The following CCDC149 variants were observed in gnomAD, a reference collection of about 807,000 sequenced individuals.
The protein encoded by CCDC149 is coiled-coil domain-containing protein 149.
Under a neutral mutation model 59.9 loss-of-function variants are expected in CCDC149, and 45 were observed. That is an observed-to-expected ratio of 0.75 (90% CI 0.59 to 0.96). The LOEUF is 0.96. Ranked by LOEUF, CCDC149 falls within the 40% of genes least tolerant of loss-of-function variation. The probability of loss-of-function intolerance (pLI) is 0.00; values close to 1 mark genes in which losing one functional copy is unlikely to be tolerated. For synonymous variants in CCDC149, 245 were observed against 260.6 expected (o/e 0.94, Z 0.58); for missense variants, 584 against 664.7 (o/e 0.88, Z 1.33).
chr4:24,934,057 A>G (rs1239077414), intron 1 of CCDC149, among the ~76,000 whole-genome samples: 4 of 152,190 alleles, frequency 2.6e-5, no homozygotes, highest in African/African-American at 9.7e-5. Flanking sequence ...TCTTCTTTGC[A>G]GCATGACAGC....
At chr4:24,884,893 G>A (rs1720065313) in intron 1 of CCDC149, among the ~76,000 whole-genome samples, 1 of 152,194 alleles carries the variant, frequency 6.6e-6, no homozygotes, top group Non-Finnish European at 1.5e-5. Context: ...AGGAGTTGGA[G>A]GACAATGTGG....
chr4:24,966,613 G>C (rs530248653), intron 1 of CCDC149, among the ~76,000 whole-genome samples: 2 of 152,212 alleles, frequency 1.3e-5, no homozygotes, highest in East Asian at 3.9e-4. Flanking sequence ...GATGTGGATA[G>C]ATTTGATTTT....
chr4:24,835,603 C>A (rs962396258), intron 7 of CCDC149, among the ~76,000 whole-genome samples: 2 of 152,168 alleles, frequency 1.3e-5, no homozygotes, highest in African/African-American at 4.8e-5. Flanking sequence ...TGCATCCACA[C>A]ATTTTTAAAA....
chr4:24,815,428 A>G (rs1211122010), intron 12 of CCDC149, among the ~76,000 whole-genome samples: 2 of 152,194 alleles, frequency 1.3e-5, no homozygotes, highest in East Asian at 3.9e-4. Context: ...GGTTTCCAGC[A>G]TGGTGGGGAG....
At chr4:24,915,939 A>C (rs80139640), upstream of CCDC149, among the ~76,000 whole-genome samples, 1 of 152,272 alleles carries the variant, frequency 6.6e-6, no homozygotes, top group African/African-American at 2.4e-5. Flanking sequence ...CCAGACTGAC[A>C]AAAAAGAGAG....
intron 1 of CCDC149, among the ~76,000 whole-genome samples, chr4:24,911,797 C>T (rs1297429593): frequency 6.6e-6 from 1 of 152,124 alleles, no homozygotes; most frequent in Non-Finnish European, 1.5e-5. Flanking sequence ...ACCCAGAAAA[C>T]GATGAAAGGA....
intron 3 of CCDC149, among the ~76,000 whole-genome samples, chr4:24,873,307 T>C (rs149342665): frequency 1.3e-5 from 2 of 152,190 alleles, no homozygotes; most frequent in East Asian, 3.9e-4. Flanking sequence ...CACTAAACAG[T>C]ATATATCCAC....
intron 1 of CCDC149, among the ~76,000 whole-genome samples, chr4:24,963,199 T>A (rs1723694534): frequency 6.6e-6 from 1 of 151,970 alleles, no homozygotes; most frequent in African/African-American, 2.4e-5. Flanking sequence ...AGGCCAAGTG[T>A]GGATCTAATT....
chr4:24,854,942 G>A (rs778209521), intron 3 of CCDC149, among the ~76,000 whole-genome samples: 70 of 152,112 alleles, frequency 4.6e-4, no homozygotes, highest in Non-Finnish European at 8.2e-4. Flanking sequence ...CATCTTAACC[G>A]ATCGATTTAA....
At chr4:24,931,310 A>AATAT (rs71187200) in intron 1 of CCDC149, among the ~76,000 whole-genome samples, 4,083 of 138,178 alleles carry the variant, frequency 0.03, 263 homozygotes, top group African/African-American at 0.1. Flanking sequence ...TTTATTTTAA[A>AATAT]ATATATATAT....
At chr4:24,819,117 T>C (rs1324290531) in intron 12 of CCDC149, among the ~76,000 whole-genome samples, 1 of 152,240 alleles carries the variant, frequency 6.6e-6, no homozygotes, top group African/African-American at 2.4e-5. Context: ...GTCTATCTGG[T>C]AAAGCAGGAG....
chr4:24,893,612 A>ATTTTTTTTTTTTTTT (rs1560241640), intron 1 of CCDC149, among the ~76,000 whole-genome samples: 6 of 9,374 alleles, frequency 6.4e-4, no homozygotes, highest in Admixed American at 5.1e-3. Flanking sequence ...TAAAATACAG[A>ATTTTTTTTTTTTTTT]CTTTTTTTTT....
intron 1 of CCDC149, among the ~76,000 whole-genome samples, chr4:24,976,933 C>A (rs1434779172): frequency 6.6e-6 from 1 of 152,292 alleles, no homozygotes; most frequent in East Asian, 1.9e-4. Flanking sequence ...CTGCGCTTCC[C>A]AGGATGCCTA....
At chr4:24,960,960 G>A (rs1471066317) in intron 1 of CCDC149, among the ~76,000 whole-genome samples, 1 of 152,202 alleles carries the variant, frequency 6.6e-6, no homozygotes, top group East Asian at 1.9e-4. Flanking sequence ...AGACAAGAGA[G>A]TTTCCCAGAA....
upstream of CCDC149, among the ~76,000 whole-genome samples, chr4:24,917,818 C>T (rs947549136): frequency 2.0e-5 from 3 of 151,964 alleles, no homozygotes. Context: ...ATTTCTTCTG[C>T]GTGGGGGGGA....
At chr4:24,920,692 C>T (rs1041272035) in intron 1 of CCDC149, among the ~76,000 whole-genome samples, 7 of 152,182 alleles carry the variant, frequency 4.6e-5, no homozygotes, top group African/African-American at 1.7e-4. Flanking sequence ...AGACAAGCTG[C>T]CATAGCAGCA....
upstream of CCDC149, among the ~76,000 whole-genome samples, chr4:24,916,824 G>GTGTGTGTGTGTGTGTA (rs773321362): frequency 2.0e-5 from 3 of 148,294 alleles, no homozygotes; most frequent in African/African-American, 7.6e-5. Context: ...GTGTGTGTGT[G>GTGTGTGTGTGTGTGTA]TACATATATT....
At position 24,806,678 on chromosome 4, in the gene CCDC149, A is replaced by T. The variant is rs1714197352; in HGVS notation, c.*1711T>A. 1 of 152,628 alleles carries T rather than the reference A, an allele frequency of 6.6e-6. No individual in the cohort carries two copies. The highest frequency in any genetic ancestry group is 2.4e-5 in the African/African-American group (1 of 41,384). The allele number at this position is 152,628 out of a possible 1,614,324, so 9.5% of individuals were successfully genotyped here. On this transcript the variant is annotated 3_prime_UTR_variant, in exon 13 of 13. Coordinates refer to ENST00000635206, the MANE Select transcript of CCDC149 (RefSeq NM_001330643.2). ...GCGGGAGCAACCTCCCTTGAGGAGAAGTTGTGGGGGTGGGCCTGGTGGGGA... is the reference window on the plus strand; with the variant it reads ...GCGGGAGCAACCTCCCTTGAGGAGATGTTGTGGGGGTGGGCCTGGTGGGGA...
At chr4:24,893,300 G>A (rs2109290087) in intron 1 of CCDC149, among the ~76,000 whole-genome samples, 1 of 152,266 alleles carries the variant, frequency 6.6e-6, no homozygotes, top group East Asian at 1.9e-4. Context: ...GCCCTAAAAT[G>A]CCTACCTCCA....
Sources: allele counts gnomAD v4.1 joint callset (sites outside exome capture counted in the v4.1 genomes callset), GRCh38; gene constraint gnomAD v4.1.1; transcripts MANE v1.5; gene names NCBI Gene and HGNC (gene_info 2026-07-23, HGNC 2026-07-21).